MTHFD1L: variants seen among roughly 807,000 people sequenced by gnomAD.
The protein encoded by MTHFD1L is methylenetetrahydrofolate dehydrogenase (NADP+ dependent) 1 like, also known as monofunctional C1-tetrahydrofolate synthase, mitochondrial.
MTHFD1L carries 81 observed loss-of-function variants against 119.5 expected under a neutral mutation model. The observed-to-expected ratio is 0.68, with a 90% CI of 0.57 to 0.82. MTHFD1L has a LOEUF of 0.82. MTHFD1L is among the 40% of genes least tolerant of loss of function. The probability of loss-of-function intolerance (pLI) is 0.00; values close to 1 mark genes in which losing one functional copy is unlikely to be tolerated. For synonymous variants in MTHFD1L, 430 were observed against 475.2 expected, an observed-to-expected ratio of 0.90 and a Z score of 1.24; for missense variants, 1,125 against 1,253.4, an observed-to-expected ratio of 0.90 and a Z score of 1.55.
intron 20 of MTHFD1L, among the ~76,000 whole-genome samples, chr6:150,990,033 C>T (rs922265460): frequency 1.1e-4 from 17 of 152,168 alleles, no homozygotes; most frequent in African/African-American, 4.1e-4. Context: ...AATCTCAGCA[C>T]TTTGGGAGGC....
intron 24 of MTHFD1L, among the ~76,000 whole-genome samples, chr6:151,024,229 A>C (rs1784336226): frequency 6.6e-6 from 1 of 152,142 alleles, no homozygotes. Context: ...AAGAGGAACG[A>C]GCAGATGCAT....
chr6:150,891,725 T>C (rs559891079), intron 7 of MTHFD1L, among the ~76,000 whole-genome samples: 17 of 152,072 alleles, frequency 1.1e-4, no homozygotes, highest in African/African-American at 3.9e-4. Context: ...AACTGGGCAA[T>C]AGGTGTTGTC....
chr6:151,023,452 G>C lies in MTHFD1L; in HGVS notation c.2586+7759G>C, dbSNP rs781782633. ...CTTCTAGGTTCTTTATGAAACCTCT[G>C]CTGGCCGGCAGTATATAACCCACCA... On this transcript the variant is annotated intron_variant, in intron 24 of 27. Transcript: ENST00000367321. 5.9e-4 allele frequency among the ~76,000 whole-genome samples: 89 copies of C among 152,130 alleles called. 1 individual carries two copies. Among genetic ancestry groups the C allele is most frequent in the Non-Finnish European group, 1.2e-3 (80 of 68,010 alleles).
At chr6:151,057,935 T>C (rs993899327) in intron 26 of MTHFD1L, among the ~76,000 whole-genome samples, 2 of 152,132 alleles carry the variant, frequency 1.3e-5, no homozygotes, top group Non-Finnish European at 2.9e-5. Flanking sequence ...CGTGCCACCA[T>C]GCCCAGCTAA....
intron 4 of MTHFD1L, among the ~76,000 whole-genome samples, chr6:150,881,478 T>A (rs1781387818): frequency 1.3e-5 from 2 of 152,284 alleles, no homozygotes; most frequent in Middle Eastern, 6.8e-3. Context: ...AAAGAGTAGG[T>A]ACCTTAATTT....
intron 8 of MTHFD1L, among the ~76,000 whole-genome samples, chr6:150,908,572 A>G (rs1489238537): frequency 1.3e-5 from 2 of 151,010 alleles, no homozygotes; most frequent in African/African-American, 4.9e-5. Context: ...GGTTGCAGTG[A>G]GCCGAGATTG....
intron 16 of MTHFD1L, among the ~76,000 whole-genome samples, chr6:150,953,498 A>C (rs1361930148): frequency 1.3e-5 from 2 of 152,212 alleles, no homozygotes; most frequent in African/African-American, 4.8e-5. Flanking sequence ...TACATACTCC[A>C]GGAGTGAATA....
intron 26 of MTHFD1L, among the ~76,000 whole-genome samples, chr6:151,084,704 G>A (rs1793555984): frequency 6.6e-6 from 1 of 152,114 alleles, no homozygotes; most frequent in South Asian, 2.1e-4. Flanking sequence ...GGTGGCTCAT[G>A]CCTGTAATCC....
At chr6:151,085,369 A>G (rs888031857) in intron 26 of MTHFD1L, among the ~76,000 whole-genome samples, 1 of 152,214 alleles carries the variant, frequency 6.6e-6, no homozygotes, top group African/African-American at 2.4e-5. Context: ...ACAATATGCA[A>G]ACACAGTGTG....
chr6:150,964,671 CA>C (rs1796937892), intron 18 of MTHFD1L, among the ~76,000 whole-genome samples: 2 of 152,182 alleles, frequency 1.3e-5, no homozygotes, highest in South Asian at 4.1e-4. Context: ...CATTTTCTTG[CA>C]ATGAAAGATT....
intron 20 of MTHFD1L, among the ~76,000 whole-genome samples, chr6:150,977,039 CT>C (rs1204665314): frequency 6.6e-6 from 1 of 152,184 alleles, no homozygotes; most frequent in Non-Finnish European, 1.5e-5. Context: ...ATGTCAAGTA[CT>C]ATCTGCTAGG....
At chr6:150,923,481 G>A (rs1315650603) in intron 10 of MTHFD1L, among the ~76,000 whole-genome samples, 1 of 145,900 alleles carries the variant, frequency 6.9e-6, no homozygotes, top group Non-Finnish European at 1.5e-5. Flanking sequence ...ACAGTGCCGA[G>A]GAGATAAAAT....
At chr6:150,927,122 T>A (rs1790132314) in intron 11 of MTHFD1L, among the ~76,000 whole-genome samples, 1 of 152,210 alleles carries the variant, frequency 6.6e-6, no homozygotes, top group Non-Finnish European at 1.5e-5. Flanking sequence ...TTTACGTATT[T>A]AATTATTAAT....
chr6:150,942,015 T>C (rs1252520017), intron 13 of MTHFD1L, among the ~76,000 whole-genome samples: 5 of 152,154 alleles, frequency 3.3e-5, no homozygotes, highest in African/African-American at 1.2e-4. Context: ...TCCCAGCACT[T>C]TGGGAGGCTG....
chr6:150,956,619 A>G (rs1208390622), intron 17 of MTHFD1L, among the ~76,000 whole-genome samples: 1 of 152,228 alleles, frequency 6.6e-6, no homozygotes, highest in Non-Finnish European at 1.5e-5. Context: ...CACTTAGGGA[A>G]TACAAATTAA....
chr6:150,871,576 G>A (rs909497979), intron 1 of MTHFD1L, among the ~76,000 whole-genome samples: 2 of 136,686 alleles, frequency 1.5e-5, no homozygotes, highest in Admixed American at 8.2e-5. Flanking sequence ...ATCTCGGCTC[G>A]CTGGAACCTC....
intron 1 of MTHFD1L, among the ~76,000 whole-genome samples, chr6:150,875,342 C>A (rs538422484): frequency 2.0e-5 from 3 of 152,208 alleles, no homozygotes; most frequent in Admixed American, 1.3e-4. Flanking sequence ...TGCCACCATG[C>A]CAGGCCTTCT....
intron 26 of MTHFD1L, among the ~76,000 whole-genome samples, chr6:151,043,360 G>T (rs1452571712): frequency 3.7e-4 from 54 of 146,378 alleles, no homozygotes; most frequent in African/African-American, 1.3e-3. Context: ...CGCCTTCCAG[G>T]TTCAAGTGAT....
intron 26 of MTHFD1L, among the ~76,000 whole-genome samples, chr6:151,071,232 G>C (rs1169192401): frequency 1.3e-5 from 2 of 151,246 alleles, no homozygotes; most frequent in Admixed American, 6.6e-5. Context: ...ATAGAAAGAG[G>C]GAGAAGAAGT....
Sources: gnomAD v4.1 joint callset for allele counts (sites outside exome capture counted in the v4.1 genomes callset) on GRCh38, gnomAD v4.1.1 for gene constraint, MANE v1.5 for transcripts, NCBI Gene and HGNC (gene_info 2026-07-23, HGNC 2026-07-21) for gene names.